PARVB: variants seen among roughly 807,000 people sequenced by gnomAD.
The protein encoded by PARVB is beta-parvin.
Under a neutral mutation model 47.0 loss-of-function variants are expected in PARVB, and 46 were observed. The observed-to-expected ratio is 0.98, with a 90% CI of 0.77 to 1.25. PARVB has a LOEUF of 1.25. Among genes scored for constraint, PARVB ranks in the 50% most tolerant of loss-of-function variants. PARVB has a pLI of 0.00. For synonymous variants in PARVB, 196 were observed against 196.3 expected (o/e 1.00, Z 0.01); for missense variants, 473 against 471.6 (o/e 1.00, Z -0.03).
chr22:44,145,925 T>C (rs1162033942), intron 8 of PARVB: 3 of 151,986 alleles, frequency 2.0e-5, no homozygotes, highest in Non-Finnish European at 2.9e-5. Context: ...GTTTTGCCCC[T>C]TAGCAGACTG....
intron 1 of PARVB, among the ~76,000 whole-genome samples, chr22:44,057,091 C>CT (rs3216454): frequency 7.5e-5 from 11 of 145,886 alleles, no homozygotes; most frequent in South Asian, 4.4e-4. Context: ...CTCTCTCTCT[C>CT]TTTTTTTTTT....
At chr22:44,045,222 C>T (rs1006626513) in intron 1 of PARVB, among the ~76,000 whole-genome samples, 2 of 152,010 alleles carry the variant, frequency 1.3e-5, no homozygotes, top group South Asian at 4.2e-4. Context: ...CCACTGCACT[C>T]CAGCCTGGGT....
chr22:44,117,199 G>A (rs1009469521), intron 3 of PARVB, among the ~76,000 whole-genome samples: 15 of 152,136 alleles, frequency 9.9e-5, no homozygotes, highest in African/African-American at 2.2e-4. Flanking sequence ...TAGGGACGGC[G>A]CTGGAAGTTG....
chr22:44,092,476 G>A (rs1029918581), intron 1 of PARVB, among the ~76,000 whole-genome samples: 16 of 152,122 alleles, frequency 1.1e-4, no homozygotes, highest in African/African-American at 3.1e-4. Context: ...AAGAGGGTCC[G>A]CTTTTTAAGA....
intron 1 of PARVB, among the ~76,000 whole-genome samples, chr22:44,037,267 A>G (rs982406923): frequency 2.6e-5 from 4 of 151,906 alleles, no homozygotes; most frequent in African/African-American, 9.7e-5. Context: ...TACCAAAAAT[A>G]CAAAAATTAG....
chr22:44,047,780 C>T (rs572622890), intron 1 of PARVB, among the ~76,000 whole-genome samples: 95 of 152,220 alleles, frequency 6.2e-4, no homozygotes, highest in African/African-American at 2.3e-3. Context: ...GGCATAATTC[C>T]CCATAGAAGA....
Position 44,171,885 on chromosome 22 carries a change from C to T in PARVB, c.*3207C>T, listed in dbSNP as rs1451024348. ...CAGGCTGGAGTGCAGTGGTCATTCA[C>T]AGACACACACATAGCAGACTACAGA... On this transcript the variant is annotated 3_prime_UTR_variant, in exon 13 of 13. Coordinates refer to ENST00000338758, the MANE Select transcript of PARVB (RefSeq NM_013327.5). The T allele has an allele frequency of 1.4e-5, 2 of 147,314 alleles. No individual in the cohort carries two copies. Among genetic ancestry groups the T allele is most frequent in the African/African-American group, 5.2e-5 (2 of 38,626 alleles). 9.1% of individuals were successfully genotyped at this position (147,314 alleles called of 1,614,324 possible).
At chr22:44,151,216 A>G (rs2053799989) in intron 9 of PARVB, 1 of 372,496 alleles carries the variant, frequency 2.7e-6, no homozygotes, top group African/African-American at 2.0e-5. Context: ...ATGATTGTTA[A>G]ATATGTCATG....
chr22:44,087,353 G>C (rs1601582369), intron 1 of PARVB, among the ~76,000 whole-genome samples: 1 of 152,198 alleles, frequency 6.6e-6, no homozygotes, highest in Admixed American at 6.5e-5. Flanking sequence ...TCAGAAAATG[G>C]AGTTGCCATT....
At chr22:44,062,929 TC>T (rs1383249131) in intron 1 of PARVB, among the ~76,000 whole-genome samples, 1 of 152,168 alleles carries the variant, frequency 6.6e-6, no homozygotes, top group Non-Finnish European at 1.5e-5. Context: ...CCAGCCCCTC[TC>T]CCCTTTCTGG....
At chr22:44,109,401 A>T (rs6006649) in intron 3 of PARVB, 59,646 of 152,206 alleles carry the variant, frequency 0.39, 11,959 homozygotes, top group Middle Eastern at 0.52. Context: ...GTGGTATGCA[A>T]GAGCACAATT....
Position 44,082,903 on chromosome 22 carries a change from C to G in PARVB, c.113-11025C>G, listed in dbSNP as rs912320938. On this transcript the variant is annotated intron_variant, in intron 1 of 12. Coordinates refer to ENST00000338758, the MANE Select transcript of PARVB (RefSeq NM_013327.5). The stretch of plus-strand genomic sequence containing the variant: ...TAAGCAACTTTTCGTATTCAGAAGA[C>G]CCAGTTTCCCTGAGCCAGATGGACT... 2.1e-4 allele frequency among the ~76,000 whole-genome samples: 32 copies of G among 152,016 alleles called. 1 individual carries two copies. The highest frequency in any genetic ancestry group is 1.9e-3 in the Admixed American group (29 of 15,254).
intron 2 of PARVB, among the ~76,000 whole-genome samples, chr22:44,001,773 C>T (rs1034450333): frequency 1.3e-5 from 2 of 152,190 alleles, no homozygotes; most frequent in African/African-American, 4.8e-5. Context: ...CAGATACCCA[C>T]GTCTGAATCA....
intron 10 of PARVB, chr22:44,153,039 A>T (rs1223816482): frequency 6.6e-6 from 1 of 152,238 alleles, no homozygotes; most frequent in Admixed American, 6.5e-5. Flanking sequence ...ACATATAGCG[A>T]GTCATGGACA....
intron 10 of PARVB, among the ~76,000 whole-genome samples, chr22:44,153,923 G>A (rs867920718): frequency 1.3e-5 from 2 of 152,198 alleles, no homozygotes; most frequent in Admixed American, 6.5e-5. Context: ...CTTTGTGCAC[G>A]GCTGTCTGTG....
intron 1 of PARVB, among the ~76,000 whole-genome samples, chr22:44,063,111 A>G (rs1207178730): frequency 3.9e-5 from 6 of 151,918 alleles, no homozygotes; most frequent in African/African-American, 1.2e-4. Flanking sequence ...GTCAGGAACC[A>G]GGGTCAAAGA....
chr22:44,068,968 C>A lies in PARVB; in HGVS notation c.113-24960C>A. On this transcript the variant is annotated intron_variant, in intron 1 of 12. Coordinates refer to ENST00000338758, the MANE Select transcript of PARVB (RefSeq NM_013327.5). This position sits in a 1 kb window ranked among gnomAD's most constrained non-coding sequence, Gnocchi z 4.1. The stretch of plus-strand genomic sequence containing the variant: ...GTCAGCAAGGAGCTATCGCTGGAAA[C>A]ACCCCGGTCCTTCCACAGCCTGACC... 1 of 625,586 alleles carries A rather than the reference C, an allele frequency of 1.6e-6. No homozygotes were observed. The highest frequency in any genetic ancestry group is 2.8e-6 in the Non-Finnish European group (1 of 360,152). The allele number at this position is 625,586 out of a possible 1,614,324, so 38.8% of individuals were successfully genotyped here.
chr22:44,072,070 G>A (rs373710056), intron 1 of PARVB, among the ~76,000 whole-genome samples: 43 of 152,234 alleles, frequency 2.8e-4, no homozygotes, highest in Non-Finnish European at 5.6e-4. Flanking sequence ...ACTGCCCCAC[G>A]TCTGTCGTTG....
chr22:44,022,395 C>T (rs2050659981), upstream of PARVB, among the ~76,000 whole-genome samples: 1 of 152,128 alleles, frequency 6.6e-6, no homozygotes, highest in Non-Finnish European at 1.5e-5. Context: ...TCTCCCCCAC[C>T]CCATCCACAT....
Sources: allele counts gnomAD v4.1 joint callset (sites outside exome capture counted in the v4.1 genomes callset), GRCh38; gene constraint gnomAD v4.1.1; non-coding constraint Gnocchi (gnomAD v3.1); transcripts MANE v1.5; gene names NCBI Gene and HGNC (gene_info 2026-07-23, HGNC 2026-07-21).